Variants in GRIP1 observed in about 807,000 individuals in gnomAD.
The protein encoded by GRIP1 is glutamate receptor interacting protein 1, also known as glutamate receptor-interacting protein 1.
A neutral mutation model predicts 129.9 loss-of-function variants in GRIP1; 45 were observed. The ratio of observed to expected loss-of-function variants is 0.35; its 90% CI spans 0.27 to 0.44. The LOEUF is 0.44. Ranked by LOEUF, GRIP1 falls within the 20% of genes least tolerant of loss-of-function variation. GRIP1 has a pLI of 1.00. For synonymous variants in GRIP1, 530 were observed against 520.8 expected (o/e 1.02, Z -0.24); for missense variants, 1,196 against 1,396.8 (o/e 0.86, Z 2.29).
chr12:67,055,438 C>G (rs1488260096), intron 1 of GRIP1, among the ~76,000 whole-genome samples: 3 of 145,748 alleles, frequency 2.1e-5, no homozygotes, highest in Non-Finnish European at 4.4e-5. Context: ...CTTCTACTTT[C>G]TAAGTGACAT....
chr12:66,404,330 T>A (rs1592778873), intron 16 of GRIP1, among the ~76,000 whole-genome samples: 1 of 152,330 alleles, frequency 6.6e-6, no homozygotes, highest in East Asian at 1.9e-4. Context: ...TAGATCTAGA[T>A]GACCTGATTA....
At chr12:67,045,276 G>T (rs1213298128) in intron 1 of GRIP1, among the ~76,000 whole-genome samples, 3 of 152,054 alleles carry the variant, frequency 2.0e-5, no homozygotes, top group African/African-American at 7.2e-5. Flanking sequence ...AAAGAAATAG[G>T]GATAAGGACA....
At chr12:66,782,479 G>C (rs1006785015) in intron 1 of GRIP1, among the ~76,000 whole-genome samples, 1 of 152,176 alleles carries the variant, frequency 6.6e-6, no homozygotes. Flanking sequence ...TTTAAGTAAA[G>C]ACTGAAATAA....
At chr12:66,681,011 G>T (rs2034563424), upstream of GRIP1, among the ~76,000 whole-genome samples, 1 of 151,980 alleles carries the variant, frequency 6.6e-6, no homozygotes, top group South Asian at 2.1e-4. Context: ...TCCCAAGAAA[G>T]GTCTTCAGAA....
intron 4 of GRIP1, among the ~76,000 whole-genome samples, chr12:66,530,870 A>G (rs114200075): frequency 0.016 from 2,477 of 152,038 alleles, 60 homozygotes; most frequent in African/African-American, 0.056. Context: ...TACCATGTTC[A>G]TTACCAAGTA....
rs549782947 is a variant in GRIP1, at chr12:66,504,502, T to G, written c.724+11117A>C. Among the ~76,000 whole-genome samples, 10 of 152,300 alleles carry G rather than the reference T, an allele frequency of 6.6e-5. No individual in the cohort carries two copies. In the South Asian group the frequency reaches 2.1e-3, roughly 32 times the overall value. On this transcript the variant is annotated intron_variant, in intron 7 of 24. Transcript: ENST00000359742. ...GTGGGATGGTAATAAGATGCATTTG[T>G]AATCATATGTACCTGTAGTGCTCAG...
At chr12:66,508,712 T>A (rs76965025) in intron 7 of GRIP1, among the ~76,000 whole-genome samples, 3,349 of 152,322 alleles carry the variant, frequency 0.022, 109 homozygotes, top group African/African-American at 0.077. Context: ...TTGTTGGTTA[T>A]ATTTGAAAGC....
chr12:66,549,568 T>A (rs1030340070), intron 2 of GRIP1, among the ~76,000 whole-genome samples: 20 of 152,214 alleles, frequency 1.3e-4, no homozygotes, highest in African/African-American at 4.8e-4. Context: ...CTCTTCCTAA[T>A]ATCCCCTGGT....
intron 14 of GRIP1, among the ~76,000 whole-genome samples, chr12:66,426,265 A>G (rs996287770): frequency 6.6e-6 from 1 of 152,064 alleles, no homozygotes; most frequent in East Asian, 1.9e-4. Flanking sequence ...TGTAACACCT[A>G]TTACTTGGAT....
At chr12:66,698,279 C>A (rs2035233634) in intron 1 of GRIP1, among the ~76,000 whole-genome samples, 1 of 152,182 alleles carries the variant, frequency 6.6e-6, no homozygotes, top group Non-Finnish European at 1.5e-5. Context: ...TAACTAAGAT[C>A]ACAATTAATT....
At chr12:66,892,780 G>A (rs1420847963) in intron 1 of GRIP1, among the ~76,000 whole-genome samples, 5 of 127,950 alleles carry the variant, frequency 3.9e-5, no homozygotes, top group Non-Finnish European at 8.3e-5. Context: ...TAGGCAACAT[G>A]AGACCCCATC....
At chr12:66,957,786 T>C (rs1287914591) in intron 1 of GRIP1, among the ~76,000 whole-genome samples, 1 of 152,216 alleles carries the variant, frequency 6.6e-6, no homozygotes. Context: ...ATATGTCAGA[T>C]TTCTTCACTG....
chr12:66,481,240 A>C lies in GRIP1; in HGVS notation c.725-15818T>G, dbSNP rs540887873. Among the ~76,000 whole-genome samples, 86 of 138,954 alleles carry C rather than the reference A, an allele frequency of 6.2e-4. 1 individual carries two copies. Among genetic ancestry groups the C allele is most frequent in the African/African-American group, 2.2e-3 (81 of 37,438 alleles). The allele number at this position is 138,954 out of a possible 152,430, so 91.2% of individuals were successfully genotyped here. ...ATCTAGAATCTACAAAAAAAAAAAA[A>C]CAAATTCACAAGAAAAAAAAAGCAA... On this transcript the variant is annotated intron_variant, in intron 7 of 24. Coordinates refer to ENST00000359742, the MANE Select transcript of GRIP1 (RefSeq NM_001366722.1).
chr12:66,542,589 C>T (rs575730807), intron 2 of GRIP1, among the ~76,000 whole-genome samples: 31 of 152,274 alleles, frequency 2.0e-4, no homozygotes, highest in African/African-American at 7.0e-4. Context: ...TCATTCTCTG[C>T]TTACGAAATT....
At chr12:66,680,386 T>C (rs1424178849), upstream of GRIP1, among the ~76,000 whole-genome samples, 1 of 152,184 alleles carries the variant, frequency 6.6e-6, no homozygotes, top group Non-Finnish European at 1.5e-5. Context: ...AAATAATTTG[T>C]GTGTGAAAAA....
At chr12:66,865,388 T>C (rs1307487551) in intron 1 of GRIP1, among the ~76,000 whole-genome samples, 6 of 152,158 alleles carry the variant, frequency 3.9e-5, no homozygotes, top group Non-Finnish European at 2.9e-5. Flanking sequence ...CTTTTTTCTT[T>C]AGACAATGAG....
chr12:66,660,169 T>C (rs1037040997), intron 1 of GRIP1, among the ~76,000 whole-genome samples: 3 of 152,228 alleles, frequency 2.0e-5, no homozygotes, highest in Non-Finnish European at 2.9e-5. Context: ...ATCAATATTG[T>C]GTTCACGTTA....
chr12:66,940,900 A>G (rs369674444), intron 1 of GRIP1, among the ~76,000 whole-genome samples: 140 of 152,232 alleles, frequency 9.2e-4, no homozygotes, highest in Middle Eastern at 3.4e-3. Flanking sequence ...TTCTTTGTGG[A>G]AAAAAAGTGA....
chr12:66,717,437 A>G (rs1479674753), intron 1 of GRIP1, among the ~76,000 whole-genome samples: 1 of 151,784 alleles, frequency 6.6e-6, no homozygotes, highest in Non-Finnish European at 1.5e-5. Context: ...TCTTTGGCTT[A>G]GAAAATGTAC....
Sources: allele counts gnomAD v4.1 joint callset (sites outside exome capture counted in the v4.1 genomes callset), GRCh38; gene constraint gnomAD v4.1.1; transcripts MANE v1.5; gene names NCBI Gene and HGNC (gene_info 2026-07-23, HGNC 2026-07-21).